Variants in SH3BGRL2 observed in about 807,000 individuals in gnomAD.
The protein encoded by SH3BGRL2 is SH3 domain binding glutamate rich protein like 2.
Under a neutral mutation model 14.8 loss-of-function variants are expected in SH3BGRL2, and 21 were observed. The observed-to-expected ratio is 1.42, with a 90% CI of 1.01 to 2.05. The LOEUF is 2.05. Among genes scored for constraint, SH3BGRL2 ranks in the 30% most tolerant of loss-of-function variants. The probability of loss-of-function intolerance (pLI) is 0.00; values close to 1 mark genes in which losing one functional copy is unlikely to be tolerated. For missense variants in SH3BGRL2, 147 were observed against 130.8 expected, an observed-to-expected ratio of 1.12 and a Z score of -0.61; for synonymous variants, 50 against 47.8, an observed-to-expected ratio of 1.05 and a Z score of -0.19.
At chr6:79,547,915 G>T in the SH3BGRL2 span, among the ~76,000 whole-genome samples, 1 of 151,924 alleles carries the variant, frequency 6.6e-6, no homozygotes, top group Non-Finnish European at 1.5e-5. Flanking sequence ...GCCCAGGCTG[G>T]AGTGCAGGGG....
chr6:79,594,234 G>T, the SH3BGRL2 span, among the ~76,000 whole-genome samples: 1 of 152,088 alleles, frequency 6.6e-6, no homozygotes, highest in Non-Finnish European at 1.5e-5. Context: ...CAAATTTGAA[G>T]ATATTATTTA....
At chr6:79,557,580 A>G in the SH3BGRL2 span, among the ~76,000 whole-genome samples, 1 of 152,228 alleles carries the variant, frequency 6.6e-6, no homozygotes, top group Non-Finnish European at 1.5e-5. Context: ...GAGCTATTCC[A>G]CTAGGAATGT....
chr6:79,672,637 G>A (rs932267944), intron 1 of SH3BGRL2, among the ~76,000 whole-genome samples: 1 of 151,978 alleles, frequency 6.6e-6, no homozygotes, highest in Admixed American at 6.6e-5. Context: ...GTATATATAC[G>A]GGTTTGGCAC....
the SH3BGRL2 span, among the ~76,000 whole-genome samples, chr6:79,576,916 G>A: frequency 6.6e-6 from 1 of 152,044 alleles, no homozygotes; most frequent in Non-Finnish European, 1.5e-5. Context: ...TCAGCATAAC[G>A]TTTTTACGAA....
chr6:79,604,380 T>A, the SH3BGRL2 span, among the ~76,000 whole-genome samples: 10 of 152,222 alleles, frequency 6.6e-5, no homozygotes, highest in Non-Finnish European at 1.2e-4. Context: ...TTGTCTCGAT[T>A]TAGCTTGTTT....
chr6:79,588,424 C>T, the SH3BGRL2 span, among the ~76,000 whole-genome samples: 1 of 152,186 alleles, frequency 6.6e-6, no homozygotes, highest in South Asian at 2.1e-4. Context: ...AACTCCCCAT[C>T]TCAGGTGATA....
intron 1 of SH3BGRL2, among the ~76,000 whole-genome samples, chr6:79,656,931 T>C (rs1582722303): frequency 6.6e-6 from 1 of 152,096 alleles, no homozygotes; most frequent in Admixed American, 6.5e-5. Context: ...AGAACATACA[T>C]GAGAAAATGG....
intron 2 of SH3BGRL2, among the ~76,000 whole-genome samples, chr6:79,691,013 G>A (rs74740123): frequency 0.11 from 17,477 of 152,074 alleles, 1,153 homozygotes; most frequent in Non-Finnish European, 0.15. Context: ...ACAATAGCTG[G>A]GTGTGGTGGT....
At chr6:79,658,924 G>A (rs1769481967) in intron 1 of SH3BGRL2, among the ~76,000 whole-genome samples, 1 of 152,192 alleles carries the variant, frequency 6.6e-6, no homozygotes, top group African/African-American at 2.4e-5. Context: ...GTGTCCGTTG[G>A]CTGCATAAAT....
Position 79,699,521 on chromosome 6 carries a change from G to T in SH3BGRL2, c.*12G>T. The T allele has an allele frequency of 8.0e-7, 1 of 1,252,084 alleles. No individual in the cohort carries two copies. The highest frequency in any genetic ancestry group is 1.4e-5 in the South Asian group (1 of 73,032). The allele number at this position is 1,252,084 out of a possible 1,614,324, so 77.6% of individuals were successfully genotyped here. A position where few individuals can be genotyped will look rare whatever the true frequency, so the allele number is the denominator to read the frequency against. On this transcript the variant is annotated 3_prime_UTR_variant, in exon 4 of 4. Coordinates refer to ENST00000369838, the MANE Select transcript of SH3BGRL2 (RefSeq NM_031469.4). ...AGGCAGAACCTTAGAGAAGAAGAGT[G>T]GAAGATGACGGAGATGCATTTTGAA...
the SH3BGRL2 span, among the ~76,000 whole-genome samples, chr6:79,544,776 G>C: frequency 6.6e-6 from 1 of 152,226 alleles, no homozygotes; most frequent in African/African-American, 2.4e-5. Context: ...ATTTCCTGTT[G>C]TGTAGCAGAT....
the SH3BGRL2 span, among the ~76,000 whole-genome samples, chr6:79,542,111 G>T: frequency 6.6e-6 from 1 of 152,138 alleles, no homozygotes; most frequent in Non-Finnish European, 1.5e-5. Flanking sequence ...CCAGGCAACA[G>T]TCTATCCCTC....
chr6:79,594,567 C>G, the SH3BGRL2 span, among the ~76,000 whole-genome samples: 1 of 151,922 alleles, frequency 6.6e-6, no homozygotes, highest in South Asian at 2.1e-4. Flanking sequence ...AACTGGTGCT[C>G]CCACAGCAAT....
intron 1 of SH3BGRL2, among the ~76,000 whole-genome samples, chr6:79,669,795 T>C (rs1481157202): frequency 2.0e-5 from 3 of 152,114 alleles, no homozygotes; most frequent in Admixed American, 6.6e-5. Context: ...ACATAGTATC[T>C]ACAGTCTGTC....
the SH3BGRL2 span, among the ~76,000 whole-genome samples, chr6:79,572,082 CT>C: frequency 6.6e-6 from 1 of 152,152 alleles, no homozygotes; most frequent in Admixed American, 6.5e-5. Context: ...AAACCACAAA[CT>C]TTATTTGGAT....
At chr6:79,556,766 T>C in the SH3BGRL2 span, among the ~76,000 whole-genome samples, 4 of 152,096 alleles carry the variant, frequency 2.6e-5, no homozygotes, top group East Asian at 1.9e-4. Context: ...AAATATGCTA[T>C]GGTACATGGT....
chr6:79,642,582 C>G (rs994066392), intron 1 of SH3BGRL2, among the ~76,000 whole-genome samples: 1 of 152,102 alleles, frequency 6.6e-6, no homozygotes, highest in Non-Finnish European at 1.5e-5. Flanking sequence ...TTGTTGATGC[C>G]TGCTCTGGTA....
intron 1 of SH3BGRL2, among the ~76,000 whole-genome samples, chr6:79,663,627 A>T (rs1227184568): frequency 6.6e-6 from 1 of 152,150 alleles, no homozygotes; most frequent in African/African-American, 2.4e-5. Context: ...GGGATCAGGG[A>T]CCCACTTGAG....
chr6:79,548,332 A>G, the SH3BGRL2 span, among the ~76,000 whole-genome samples: 1 of 152,166 alleles, frequency 6.6e-6, no homozygotes, highest in Non-Finnish European at 1.5e-5. Flanking sequence ...TTATTTTTAA[A>G]CTTTAAGATT....
Sources: allele counts gnomAD v4.1 joint callset (sites outside exome capture counted in the v4.1 genomes callset), GRCh38; gene constraint gnomAD v4.1.1; transcripts MANE v1.5; gene names NCBI Gene and HGNC (gene_info 2026-07-23, HGNC 2026-07-21).